The following DYNC1H1 variants were observed in gnomAD, a reference collection of about 807,000 sequenced individuals.
DYNC1H1 encodes the protein dynein cytoplasmic 1 heavy chain 1.
Under a neutral mutation model 527.1 loss-of-function variants are expected in DYNC1H1, and 51 were observed. The ratio of observed to expected loss-of-function variants is 0.10; its 90% CI spans 0.08 to 0.12. The LOEUF (loss-of-function observed/expected upper bound fraction) is 0.12, where lower values mean the gene tolerates loss of function less well. Ranked by LOEUF, DYNC1H1 falls within the 10% of genes least tolerant of loss-of-function variation. The pLI is 1.00. For missense variants in DYNC1H1, 2,771 were observed against 5,971.8 expected, an observed-to-expected ratio of 0.46 and a Z score of 17.66; for synonymous variants, 2,189 against 2,278.8, an observed-to-expected ratio of 0.96 and a Z score of 1.12.
chr14:102,043,283 C>CA (rs10673572), intron 69 of DYNC1H1: 35,749 of 117,940 alleles, frequency 0.3, 5,391 homozygotes, highest in African/African-American at 0.48. Flanking sequence ...GACCCCGTCT[C>CA]AAAAAAAAAA....
Position 102,018,292 on chromosome 14 carries a change from G to A in DYNC1H1, c.8178-159G>A, listed in dbSNP as rs1401636246. 6.6e-6 allele frequency among the ~76,000 whole-genome samples: 1 copy of A among 152,140 alleles called. No individual in the cohort carries two copies. Among genetic ancestry groups the A allele is most frequent in the Non-Finnish European group, 1.5e-5 (1 of 68,022 alleles). On this transcript the variant is annotated intron_variant, in intron 40 of 77. Transcript: ENST00000360184. The surrounding 1 kb of genome is among the most constrained non-coding windows in gnomAD (Gnocchi z 5.2). ...GTGTCAGACCCCAAGCCTGAGCAGC[G>A]TGTGTGTGATCTCAGCTAACACTGA...
intron 41 of DYNC1H1, among the ~76,000 whole-genome samples, chr14:102,019,222 C>T (rs1272141604): frequency 6.6e-6 from 1 of 152,244 alleles, no homozygotes; most frequent in African/African-American, 2.4e-5. Context: ...CCACCAGCAG[C>T]ACCCGCTTCC....
rs569074697 is a variant in DYNC1H1 at position 102,016,737 on chromosome 14, C to T, written c.7615-29C>T. On this transcript the variant is annotated intron_variant, in intron 37 of 77. Transcript: ENST00000360184. This position sits in a 1 kb window ranked among gnomAD's most constrained non-coding sequence, Gnocchi z 7.3. ...CGTGAGGAGGCACCTTGGTTGCAGC[C>T]GGACTCACACTTCCATCTCCGTGTG... 2.6e-4 allele frequency: 426 copies of T among 1,609,556 alleles called. No homozygotes were observed. The highest frequency in any genetic ancestry group is 3.4e-4 in the Non-Finnish European group (399 of 1,178,178).
At chr14:102,048,725 C>T in intron 74 of DYNC1H1, 56 bp downstream of exon 74, 3 of 1,588,748 alleles carry the variant, frequency 1.9e-6, no homozygotes, top group Non-Finnish European at 2.6e-6. Flanking sequence ...TGGCCAGGGG[C>T]CACAACCCAG....
Position 102,033,524 on chromosome 14 carries a change from G to A in DYNC1H1, c.10413+40G>A. The A allele has an allele frequency of 1.2e-6, 2 of 1,610,300 alleles. No individual in the cohort carries two copies. The highest frequency in any genetic ancestry group is 1.7e-6 in the Non-Finnish European group (2 of 1,178,140). ...ATTGATCCTCAGCCTTTCCTGCTGT[G>A]GAAGCAGAGATTAACACACTTCAAC... On this transcript the variant is annotated intron_variant, in intron 54 of 77. Transcript: ENST00000360184. The surrounding 1 kb of genome is among the most constrained non-coding windows in gnomAD (Gnocchi z 5.6).
chr14:101,995,438 T>C (rs1456403216), intron 15 of DYNC1H1, 138 bp downstream of exon 15: 14 of 1,110,750 alleles, frequency 1.3e-5, no homozygotes, highest in African/African-American at 4.7e-5. Context: ...GGTGAAATGC[T>C]GTCTCTACTA....
At position 102,028,034 on chromosome 14, in the gene DYNC1H1, A is replaced by G. The variant is rs2048469784; in HGVS notation, c.9361A>G (p.Ile3121Val). The change falls in exon 48 of 78, where the codon ATC becomes GTC. Residue 3121 changes from isoleucine (I) to valine (V), a missense_variant. Physicochemically the swap from Ile to Val is conservative, Grantham distance 29 (BLOSUM62 3). Around this residue, in one of 32 missense-constraint regions of DYNC1H1, gnomAD observed 67 missense variants for 128.2 expected, o/e 0.52. Transcript: ENST00000360184. ...GATGGATCTGGAGAAGCCAAATTAC[A>G]TCGTGCCTGATTACATGCCAGTTGT... ...SKMDLEKPNY[I>V]VPDYMPVVYD... The G allele has an allele frequency of 1.9e-6, 3 of 1,614,224 alleles. No homozygotes were observed. Among genetic ancestry groups the G allele is most frequent in the Non-Finnish European group, 2.5e-6 (3 of 1,180,030 alleles).
intron 7 of DYNC1H1, among the ~76,000 whole-genome samples, chr14:101,984,715 G>T (rs533943692): frequency 1.3e-5 from 2 of 150,876 alleles, no homozygotes; most frequent in Non-Finnish European, 3.0e-5. Context: ...GGCGGATCAC[G>T]AGGTCAGAAG....
At chr14:102,034,597 G>C (rs2048549577) in intron 56 of DYNC1H1, 145 bp downstream of exon 56, 1 of 1,281,436 alleles carries the variant, frequency 7.8e-7, no homozygotes, top group African/African-American at 1.5e-5. Context: ...TCCTCTGATG[G>C]TGGGGCGTGT....
At position 102,002,469 on chromosome 14, in the gene DYNC1H1, A is replaced by G; in HGVS notation, c.4543-68A>G. The stretch of plus-strand genomic sequence containing the variant: ...ATGAGATCCTGATCTGCGCTTTTTC[A>G]GTGAGTTTTGGCATATCTGTGAGTA... On this transcript the variant is annotated intron_variant, in intron 21 of 77. Transcript: ENST00000360184. This position sits in a 1 kb window ranked among gnomAD's most constrained non-coding sequence, Gnocchi z 4.4. 1.9e-6 allele frequency: 3 copies of G among 1,598,742 alleles called. No homozygotes were observed. The highest frequency in any genetic ancestry group is 1.1e-5 in the South Asian group (1 of 90,124).
At chr14:102,030,118 T>A in intron 50 of DYNC1H1, 44 bp from the exon 51 acceptor site, 1 of 1,613,730 alleles carries the variant, frequency 6.2e-7, no homozygotes, top group South Asian at 1.1e-5. Flanking sequence ...AGTCAGCAAA[T>A]TAACCAATGC....
chr14:102,043,482 C>G (rs2048677335), intron 69 of DYNC1H1: 2 of 347,572 alleles, frequency 5.8e-6, no homozygotes, highest in Admixed American at 8.4e-5. Flanking sequence ...TCTCCTCTCC[C>G]CCAGCACAGG....
chr14:101,996,053 G>C (rs548609898), intron 15 of DYNC1H1, among the ~76,000 whole-genome samples: 23 of 152,014 alleles, frequency 1.5e-4, no homozygotes, highest in Non-Finnish European at 2.2e-4. Flanking sequence ...GACAGAGCAA[G>C]ACTCTATCTC....
chr14:102,008,902 A>G (rs1186970422), intron 29 of DYNC1H1, among the ~76,000 whole-genome samples: 5 of 152,222 alleles, frequency 3.3e-5, no homozygotes, highest in African/African-American at 1.2e-4. Flanking sequence ...GTCCTTCCTC[A>G]GCCAGCCAGA....
At position 102,042,241 on chromosome 14, in the gene DYNC1H1, C is replaced by T; in HGVS notation, c.12228C>T (p.Gly4076=). 2 of 1,614,072 alleles carry T rather than the reference C, an allele frequency of 1.2e-6. No homozygotes were observed. The highest frequency in any genetic ancestry group is 8.5e-7 in the Non-Finnish European group (1 of 1,180,026). ...TCCCTGCACCAGGCTCTGCAGAAGGCTTTAACCAAGCAGATAAGGCAATAA... is the reference window on the plus strand; with the variant it reads ...TCCCTGCACCAGGCTCTGCAGAAGGTTTTAACCAAGCAGATAAGGCAATAA... ...ITSIAIGSAE[G]FNQADKAINT... Residue 4076 remains glycine, a synonymous_variant, in exon 67 of 78, where the codon GGC becomes GGT. Coordinates refer to ENST00000360184, the MANE Select transcript of DYNC1H1 (RefSeq NM_001376.5). The surrounding 1 kb of genome is among the most constrained non-coding windows in gnomAD (Gnocchi z 5.7).
intron 51 of DYNC1H1, among the ~76,000 whole-genome samples, chr14:102,031,061 C>G (rs145244974): frequency 6.6e-6 from 1 of 152,104 alleles, no homozygotes; most frequent in Non-Finnish European, 1.5e-5. Flanking sequence ...TAGTTTTTAC[C>G]TTATACAACA....
chr14:102,003,333 C>G (rs1371110259), intron 23 of DYNC1H1, among the ~76,000 whole-genome samples: 1 of 151,022 alleles, frequency 6.6e-6, no homozygotes, highest in African/African-American at 2.4e-5. Context: ...GCCATCTCGG[C>G]TCACTGCAAC....
intron 11 of DYNC1H1, among the ~76,000 whole-genome samples, chr14:101,992,794 G>A (rs780972167): frequency 3.3e-5 from 5 of 152,030 alleles, no homozygotes; most frequent in African/African-American, 7.2e-5. Flanking sequence ...TCCCTCCTGC[G>A]TGATGCTCTG....
In DYNC1H1 at chr14:102,010,381, G is replaced by A. The variant is rs746758122; in HGVS notation, c.6327G>A (p.Gln2109=). ...GCAATGTGAAGAGAGAGAGAATCCAGAAGATAAAGAGGGAGAAAGAGGAAC... is the reference window on the plus strand; with the variant it reads ...GCAATGTGAAGAGAGAGAGAATCCAAAAGATAAAGAGGGAGAAAGAGGAAC... The part of the protein sequence containing the change: ...SAGNVKRERI[Q]KIKREKEERG... Residue 2109 remains glutamine, a synonymous_variant, in exon 31 of 78, where the codon CAG becomes CAA. Coordinates refer to ENST00000360184, the MANE Select transcript of DYNC1H1 (RefSeq NM_001376.5). This position sits in a 1 kb window ranked among gnomAD's most constrained non-coding sequence, Gnocchi z 6.0. 6 of 1,614,022 alleles carry A rather than the reference G, an allele frequency of 3.7e-6. No individual in the cohort carries two copies. In the East Asian group the frequency reaches 1.3e-4, roughly 36 times the overall value.
Sources: gnomAD v4.1 joint callset for allele counts (sites outside exome capture counted in the v4.1 genomes callset) on GRCh38, gnomAD v4.1.1 for gene constraint, gnomAD v4.1.1 regional missense constraint, Gnocchi (gnomAD v3.1) non-coding constraint, MANE v1.5 for transcripts, NCBI Gene and HGNC (gene_info 2026-07-23, HGNC 2026-07-21) for gene names.